Variants in ZFHX4 observed in about 807,000 individuals in gnomAD.
The protein encoded by ZFHX4 is zinc finger homeobox protein 4.
Under a neutral mutation model 267.6 loss-of-function variants are expected in ZFHX4, and 56 were observed. That is an observed-to-expected ratio of 0.21 (90% CI 0.17 to 0.26). The LOEUF (loss-of-function observed/expected upper bound fraction) is 0.26, where lower values mean the gene tolerates loss of function less well. Among genes scored for constraint, ZFHX4 ranks in the 10% least tolerant of loss-of-function variants. ZFHX4 has a pLI of 1.00. For missense variants in ZFHX4, 4,332 were observed against 4,420.0 expected (o/e 0.98, Z 0.56); for synonymous variants, 1,778 against 1,665.6 (o/e 1.07, Z -1.64).
rs141100660 is a variant in ZFHX4, at chr8:76,699,517, A to G, written c.-46-4526A>G. On this transcript the variant is annotated intron_variant, in intron 1 of 10. Coordinates refer to ENST00000651372, the MANE Select transcript of ZFHX4 (RefSeq NM_024721.5). ...CTGAGATCAAAGATGTATCTGACGT[A>G]ACTGGTACTTCCACACAGGTATTTA... Among the ~76,000 whole-genome samples the G allele has an allele frequency of 2.2e-4, 33 of 152,272 alleles. No individual in the cohort carries two copies. In the East Asian group the frequency reaches 4.8e-3, roughly 22 times the overall value.
intron 4 of ZFHX4, among the ~76,000 whole-genome samples, chr8:76,787,739 G>C (rs1261452003): frequency 6.6e-6 from 1 of 151,842 alleles, no homozygotes; most frequent in Non-Finnish European, 1.5e-5. Flanking sequence ...CGTGAACCCG[G>C]GAGGCAGAGG....
intron 1 of ZFHX4, among the ~76,000 whole-genome samples, chr8:76,689,392 G>C (rs142787015): frequency 1.3e-4 from 20 of 152,216 alleles, no homozygotes; most frequent in African/African-American, 4.6e-4. Flanking sequence ...AGGGTATTCT[G>C]ATATCAAGAT....
intron 3 of ZFHX4, among the ~76,000 whole-genome samples, chr8:76,751,832 A>G (rs1301644354): frequency 6.6e-6 from 1 of 152,204 alleles, no homozygotes; most frequent in Non-Finnish European, 1.5e-5. Context: ...GATGAGCATC[A>G]TAAGTACTAA....
Position 76,704,087 on chromosome 8 carries a change from C to T in ZFHX4, c.-2C>T, listed in dbSNP as rs1470260679. The T allele has an allele frequency of 3.1e-6, 5 of 1,599,822 alleles. No homozygotes were observed. Among genetic ancestry groups the T allele is most frequent in the Non-Finnish European group, 2.6e-6 (3 of 1,172,648 alleles). On this transcript the variant is annotated 5_prime_UTR_variant, in exon 2 of 11. Transcript: ENST00000651372. ...AAATGAGATCCCCATGTAGCAATTGCCATGGAAACCTGTGACTCCCCTCCT... is the reference window on the plus strand; with the variant it reads ...AAATGAGATCCCCATGTAGCAATTGTCATGGAAACCTGTGACTCCCCTCCT...
At chr8:76,837,278 G>C (rs924707899) in intron 5 of ZFHX4, among the ~76,000 whole-genome samples, 14 of 152,036 alleles carry the variant, frequency 9.2e-5, no homozygotes, top group African/African-American at 3.4e-4. Flanking sequence ...ACAATTACCT[G>C]GTGCAATAAA....
chr8:76,803,452 A>G (rs1034699614), intron 4 of ZFHX4, among the ~76,000 whole-genome samples: 2 of 152,134 alleles, frequency 1.3e-5, no homozygotes, highest in African/African-American at 4.8e-5. Flanking sequence ...GACAATGTTT[A>G]TTTACACTAA....
At position 76,852,373 on chromosome 8, in the gene ZFHX4, C is replaced by G; in HGVS notation, c.5452C>G (p.Gln1818Glu). Residue 1818 changes from glutamine to glutamate, a missense_variant, in exon 10 of 11, where the codon CAG becomes GAG. By Grantham distance (29) the Gln-to-Glu change is conservative (BLOSUM62 2). Coordinates refer to ENST00000651372, the MANE Select transcript of ZFHX4 (RefSeq NM_024721.5). ...PQLQPQKQQQ[Q>E]PPPPQQQQQQ... ...GCTGCAGCCTCAAAAACAACAGCAGCAGCCACCACCTCCACAGCAGCAGCA... is the reference window on the plus strand; with the variant it reads ...GCTGCAGCCTCAAAAACAACAGCAGGAGCCACCACCTCCACAGCAGCAGCA... The G allele has an allele frequency of 6.4e-7, 1 of 1,553,674 alleles. No homozygotes were observed. Among genetic ancestry groups the G allele is most frequent in the Non-Finnish European group, 8.7e-7 (1 of 1,148,010 alleles).
At position 76,798,063 on chromosome 8, in the gene ZFHX4, T is replaced by A. The variant is rs1363758132; in HGVS notation, c.3325+19624T>A. On this transcript the variant is annotated intron_variant, in intron 4 of 10. Transcript: ENST00000651372. ...AAGCTAGTATTGAAACTTTAAAAAATTTGCAGATAAAGAATAAGGCATCAT... is the reference window on the plus strand; with the variant it reads ...AAGCTAGTATTGAAACTTTAAAAAAATTGCAGATAAAGAATAAGGCATCAT... 1.3e-4 allele frequency among the ~76,000 whole-genome samples: 19 copies of A among 151,954 alleles called. 1 individual carries two copies. Among genetic ancestry groups the A allele is most frequent in the Admixed American group, 1.2e-3 (19 of 15,228 alleles).
chr8:76,828,096 T>C (rs1392794505), intron 4 of ZFHX4, among the ~76,000 whole-genome samples: 2 of 152,208 alleles, frequency 1.3e-5, no homozygotes, highest in Non-Finnish European at 2.9e-5. Context: ...TCATTTTGAA[T>C]TGTGAACTTG....
rs1362193208 is a variant in ZFHX4, at chr8:76,705,028, A to C, written c.940A>C (p.Ser314Arg). ...TLNDEEQKLL[S>R]NKCVSAIIQG... ...CAATGACGAGGAGCAGAAGCTCCTC[A>C]GTAATAAATGCGTCTCCGCCATAAT... Residue 314 changes from serine to arginine, a missense_variant, in exon 2 of 11, where the codon AGT (serine) becomes CGT (arginine). Physicochemically the swap from Ser to Arg is moderately radical, Grantham distance 110 (BLOSUM62 -1). This residue lies in a region of ZFHX4 where 1,195 missense variants were observed against 1,173.6 expected (regional missense o/e 1.02). Coordinates refer to ENST00000651372, the MANE Select transcript of ZFHX4 (RefSeq NM_024721.5). The C allele has an allele frequency of 1.2e-6, 2 of 1,613,996 alleles. No homozygotes were observed.
chr8:76,852,749 C>A lies in ZFHX4; in HGVS notation c.5828C>A (p.Thr1943Asn). The A allele has an allele frequency of 6.2e-7, 1 of 1,613,692 alleles. No homozygotes were observed. ...GGCAAAAGTGGTGAAGGCGAAAACA[C>A]TGACAAACTAGAATGTGGAACATGT... ...KKGKSGEGEN[T>N]DKLECGTCGK... The change falls in exon 10 of 11, where the codon ACT (threonine) becomes AAT (asparagine). Residue 1943 changes from threonine (T) to asparagine (N), a missense_variant. Coordinates refer to ENST00000651372, the MANE Select transcript of ZFHX4 (RefSeq NM_024721.5).
chr8:76,850,462 G>C, intron 9 of ZFHX4, 100 bp downstream of exon 9: 2 of 980,196 alleles, frequency 2.0e-6, no homozygotes, highest in Non-Finnish European at 3.0e-6. Flanking sequence ...TTTTCGTAAA[G>C]CATAGGGGAA....
intron 3 of ZFHX4, among the ~76,000 whole-genome samples, chr8:76,751,787 G>A (rs1809620054): frequency 6.6e-6 from 1 of 152,072 alleles, no homozygotes; most frequent in Non-Finnish European, 1.5e-5. Context: ...TACACAATTT[G>A]CTTTGCATCT....
intron 2 of ZFHX4, 33 bp downstream of exon 2, chr8:76,706,711 A>C: frequency 6.7e-7 from 1 of 1,499,630 alleles, no homozygotes. Flanking sequence ...CACTGTTGTT[A>C]GTTTCTAATC....
At chr8:76,827,107 G>A (rs1448056485) in intron 4 of ZFHX4, among the ~76,000 whole-genome samples, 1 of 152,216 alleles carries the variant, frequency 6.6e-6, no homozygotes, top group Non-Finnish European at 1.5e-5. Context: ...AACCTTTTTG[G>A]CACCAGGAAC....
At chr8:76,734,335 G>A (rs552643380) in intron 3 of ZFHX4, among the ~76,000 whole-genome samples, 1 of 152,278 alleles carries the variant, frequency 6.6e-6, no homozygotes, top group South Asian at 2.1e-4. Flanking sequence ...AAAAAAGGCA[G>A]ATGGTTCATT....
In ZFHX4 at chr8:76,854,220, G is replaced by C; in HGVS notation, c.7299G>C (p.Ser2433=). 5 of 1,565,422 alleles carry C rather than the reference G, an allele frequency of 3.2e-6. No individual in the cohort carries two copies. The highest frequency in any genetic ancestry group is 4.3e-6 in the Non-Finnish European group (5 of 1,155,230). Residue 2433 remains serine (S), a synonymous_variant, in exon 10 of 11, where the codon TCG becomes TCC. Transcript: ENST00000651372. The stretch of plus-strand genomic sequence containing the variant: ...CCAAACCAGCCCTGCCATTAGCATC[G>C]ACTTCCTCGGACCCACCACAGGCAT... ...QGTKPALPLA[S]TSSDPPQAST...
At chr8:76,699,805 A>G (rs1372793105) in intron 1 of ZFHX4, among the ~76,000 whole-genome samples, 3 of 151,618 alleles carry the variant, frequency 2.0e-5, no homozygotes, top group Non-Finnish European at 4.4e-5. Flanking sequence ...GAATTTAACA[A>G]TAAGGAATTT....
At chr8:76,755,840 C>A (rs1011146547) in intron 3 of ZFHX4, among the ~76,000 whole-genome samples, 1 of 152,074 alleles carries the variant, frequency 6.6e-6, no homozygotes, top group Non-Finnish European at 1.5e-5. Context: ...TGTGGTTAAG[C>A]TCAGCATTGC....
Sources: gnomAD v4.1 joint callset for allele counts (sites outside exome capture counted in the v4.1 genomes callset) on GRCh38, gnomAD v4.1.1 for gene constraint, gnomAD v4.1.1 regional missense constraint, MANE v1.5 for transcripts, NCBI Gene and HGNC (gene_info 2026-07-23, HGNC 2026-07-21) for gene names.